TFDP2: variants seen among roughly 807,000 people sequenced by gnomAD.
TFDP2 encodes the protein transcription factor Dp-2 (E2F dimerization partner 2).
TFDP2 carries 17 observed loss-of-function variants against 59.3 expected under a neutral mutation model. The ratio of observed to expected loss-of-function variants is 0.29; its 90% confidence interval spans 0.20 to 0.43. The LOEUF is 0.43. Ranked by LOEUF, TFDP2 falls within the 20% of genes least tolerant of loss-of-function variation. The probability of loss-of-function intolerance (pLI) is 1.00; values close to 1 mark genes in which losing one functional copy is unlikely to be tolerated. For synonymous variants in TFDP2, 180 were observed against 194.7 expected (o/e 0.92, Z 0.63); for missense variants, 391 against 528.8 (o/e 0.74, Z 2.56).
chr3:142,097,815 A>G (rs1055285950), intron 2 of TFDP2, among the ~76,000 whole-genome samples: 2 of 152,120 alleles, frequency 1.3e-5, no homozygotes. Flanking sequence ...AGCAATTTAT[A>G]GTCCCTATTG....
chr3:142,066,005 A>C (rs1027919350), intron 3 of TFDP2, among the ~76,000 whole-genome samples: 9 of 152,198 alleles, frequency 5.9e-5, no homozygotes, highest in African/African-American at 2.2e-4. Flanking sequence ...TTAAACACTG[A>C]AGTAATTTCT....
Position 142,136,695 on chromosome 3 carries a change from T to A in TFDP2, c.-93+12488A>T, listed in dbSNP as rs1044574299. Among the ~76,000 whole-genome samples the A allele has an allele frequency of 2.6e-5, 4 of 152,082 alleles. No individual in the cohort carries two copies. In the South Asian group the frequency reaches 8.3e-4, roughly 32 times the overall value. On this transcript the variant is annotated intron_variant, in intron 1 of 12. Transcript: ENST00000489671. ...AATAGGGAATCCTTTCCCCATTTCT[T>A]GTTTTTGTCAGGTTTGTCAAAGATC...
In TFDP2 at chr3:141,944,637, T is replaced by C. The variant is rs1044742945; in HGVS notation, c.*7876A>G. The C allele has an allele frequency of 5.3e-5, 8 of 152,202 alleles. No individual in the cohort carries two copies. Among genetic ancestry groups the C allele is most frequent in the Admixed American group, 5.2e-4 (8 of 15,264 alleles). The allele number at this position is 152,202 out of a possible 1,614,324, so 9.4% of individuals were successfully genotyped here. A position where few individuals can be genotyped will look rare whatever the true frequency, so the allele number is the denominator to read the frequency against. On this transcript the variant is annotated 3_prime_UTR_variant, in exon 13 of 13. Transcript: ENST00000489671. ...TCCCAGGCCCCACCTCCAGCACTTC[T>C]GACTGAGCGTCTGGGACGCATCCTA...
At chr3:142,143,853 A>G (rs1445401638) in intron 1 of TFDP2, among the ~76,000 whole-genome samples, 1 of 152,184 alleles carries the variant, frequency 6.6e-6, no homozygotes, top group African/African-American at 2.4e-5. Context: ...ACGTTCCTCA[A>G]AACACTAAAA....
In TFDP2 at chr3:141,959,735, A is replaced by T. The variant is rs1259149734; in HGVS notation, c.990T>A (p.Ser330=). 1 of 1,614,198 alleles carries T rather than the reference A, an allele frequency of 6.2e-7. No individual in the cohort carries two copies. Among genetic ancestry groups the T allele is most frequent in the South Asian group, 1.1e-5 (1 of 91,080 alleles). The change falls in exon 11 of 13, where the codon TCT becomes TCA. Residue 330 remains serine, a synonymous_variant. Coordinates refer to ENST00000489671, the MANE Select transcript of TFDP2 (RefSeq NM_001178139.2). ...ATTTCGCAAGTTTCAGATCCTCCAG[A>T]GAGCATTTGCCTGACTCCAGGCCAA... is the stretch of plus-strand genomic sequence containing the variant. ...MSFGLESGKC[S]LEDLKLAKSL...
chr3:142,060,030 CA>C (rs2059865910), intron 3 of TFDP2, among the ~76,000 whole-genome samples: 1 of 152,076 alleles, frequency 6.6e-6, no homozygotes, highest in African/African-American at 2.4e-5. Flanking sequence ...ATAAAGATAA[CA>C]TTAACTTTGC....
intron 3 of TFDP2, among the ~76,000 whole-genome samples, chr3:142,081,241 G>A (rs969620675): frequency 5.8e-4 from 88 of 151,958 alleles, no homozygotes; most frequent in African/African-American, 2.1e-3. Context: ...TGACCAGAGG[G>A]TCAAAAAAGA....
rs2107900109 is a variant in TFDP2 at position 141,962,581 on chromosome 3, A to G, written c.884+1231T>C. ...ACTATGTTGGCCAGGCTGGTCTCGAACTCCTGATCTCAGGTGATCCACTAG... is the reference window on the plus strand; with the variant it reads ...ACTATGTTGGCCAGGCTGGTCTCGAGCTCCTGATCTCAGGTGATCCACTAG... On this transcript the variant is annotated intron_variant, in intron 10 of 12. Coordinates refer to ENST00000489671, the MANE Select transcript of TFDP2 (RefSeq NM_001178139.2). Among the ~76,000 whole-genome samples, 2 of 151,816 alleles carry G rather than the reference A, an allele frequency of 1.3e-5. 1 individual carries two copies. Among genetic ancestry groups the G allele is most frequent in the South Asian group, 4.2e-4 (2 of 4,780 alleles).
chr3:142,123,688 T>C (rs946381253), intron 1 of TFDP2, among the ~76,000 whole-genome samples: 2 of 152,188 alleles, frequency 1.3e-5, no homozygotes, highest in Non-Finnish European at 2.9e-5. Context: ...CTCTCAAGAA[T>C]CTATGGATAT....
chr3:141,984,746 CTTAAGTTTTGATGA>C (rs1372369638), intron 6 of TFDP2, among the ~76,000 whole-genome samples: 1 of 152,082 alleles, frequency 6.6e-6, no homozygotes, highest in East Asian at 1.9e-4. Context: ...GTCTTTGATG[CTTAAGTTTTGATGA>C]TTTCATGGCT....
intron 3 of TFDP2, among the ~76,000 whole-genome samples, chr3:142,007,294 T>C (rs1944296256): frequency 2.6e-5 from 4 of 151,984 alleles, no homozygotes; most frequent in Admixed American, 2.6e-4. Context: ...AGTACCCAAA[T>C]CTGCTTCTCC....
chr3:141,959,731 C>T lies in TFDP2; in HGVS notation c.994G>A (p.Glu332Lys), dbSNP rs1937125440. ...AGGGATTTCGCAAGTTTCAGATCCT[C>T]CAGAGAGCATTTGCCTGACTCCAGG... ...FGLESGKCSL[E>K]DLKLAKSLVP... Residue 332 changes from glutamate to lysine, a missense_variant, in exon 11 of 13, where the codon GAG becomes AAG. Physicochemically the swap from Glu to Lys is moderately conservative, Grantham distance 56. Coordinates refer to ENST00000489671, the MANE Select transcript of TFDP2 (RefSeq NM_001178139.2). 6.2e-7 allele frequency: 1 copy of T among 1,614,044 alleles called. No individual in the cohort carries two copies. Among genetic ancestry groups the T allele is most frequent in the South Asian group, 1.1e-5 (1 of 91,080 alleles).
At chr3:142,076,210 CAAA>C (rs56018016) in intron 3 of TFDP2, among the ~76,000 whole-genome samples, 10 of 112,138 alleles carry the variant, frequency 8.9e-5, no homozygotes, top group Admixed American at 2.7e-4. Context: ...GACTCCGTCT[CAAA>C]AAAAAAAAAA....
chr3:142,108,166 A>T (rs986911131), intron 1 of TFDP2, among the ~76,000 whole-genome samples: 7 of 151,946 alleles, frequency 4.6e-5, no homozygotes, highest in Admixed American at 4.6e-4. Context: ...TTTGTTCTTC[A>T]GACAGCCAAG....
At chr3:142,035,128 C>A (rs745668421) in intron 3 of TFDP2, among the ~76,000 whole-genome samples, 19 of 152,238 alleles carry the variant, frequency 1.2e-4, no homozygotes, top group Admixed American at 3.3e-4. Flanking sequence ...ATCTCTTTTG[C>A]TGTACTGTTG....
intron 3 of TFDP2, among the ~76,000 whole-genome samples, chr3:142,048,648 CT>C (rs1947465743): frequency 1.3e-5 from 2 of 152,134 alleles, no homozygotes; most frequent in African/African-American, 4.8e-5. Flanking sequence ...TCACTACAAC[CT>C]TGACTTCCCA....
intron 1 of TFDP2, among the ~76,000 whole-genome samples, chr3:142,125,540 G>C (rs116834137): frequency 2.0e-5 from 3 of 151,910 alleles, no homozygotes; most frequent in East Asian, 3.9e-4. Context: ...ACTCACTACA[G>C]TGTCATTTAT....
rs11569287 is a variant in TFDP2 at position 141,953,050 on chromosome 3, C to T, written c.1052-34G>A. 7,636 of 1,504,944 alleles carry T rather than the reference C, an allele frequency of 5.1e-3. 359 individuals carry two copies. The African/African-American group carries it at 0.091, about 18-fold the overall frequency. The allele number at this position is 1,504,944 out of a possible 1,614,324, so 93.2% of individuals were successfully genotyped here. ...AAAAATGAGAACAAAAAATGTCGGT[C>T]CTGCAAGTTCTGTGGCTGCTGTTGT... On this transcript the variant is annotated intron_variant, in intron 11 of 12. Transcript: ENST00000489671.
intron 8 of TFDP2, among the ~76,000 whole-genome samples, chr3:141,972,268 T>C (rs1276336770): frequency 6.6e-6 from 1 of 152,182 alleles, no homozygotes; most frequent in Non-Finnish European, 1.5e-5. Context: ...TGATTGTACC[T>C]CTAAAACACC....
Sources: allele counts gnomAD v4.1 joint callset (sites outside exome capture counted in the v4.1 genomes callset), GRCh38; gene constraint gnomAD v4.1.1; transcripts MANE v1.5; gene names NCBI Gene and HGNC (gene_info 2026-07-23, HGNC 2026-07-21).